The following GRAMD4 variants were observed in gnomAD, a reference collection of about 807,000 sequenced individuals.
GRAMD4 encodes GRAM domain containing 4.
A neutral mutation model predicts 83.9 loss-of-function variants in GRAMD4; 25 were observed. The observed-to-expected ratio is 0.30, with a 90% CI of 0.22 to 0.42. GRAMD4 has a LOEUF of 0.42. Ranked by LOEUF, GRAMD4 falls within the 10% of genes least tolerant of loss-of-function variation. The pLI, the probability that GRAMD4 is intolerant of heterozygous loss-of-function variation, is 1.00. For missense variants in GRAMD4, 593 were observed against 788.7 expected (o/e 0.75, Z 2.97); for synonymous variants, 336 against 320.9 (o/e 1.05, Z -0.50).
chr22:46,639,848 G>A (rs2081949900), intron 3 of GRAMD4, among the ~76,000 whole-genome samples: 1 of 152,212 alleles, frequency 6.6e-6, no homozygotes, highest in Admixed American at 6.5e-5. Context: ...CTCTCCATGA[G>A]CCTTAGGTTG....
intron 3 of GRAMD4, among the ~76,000 whole-genome samples, chr22:46,646,921 G>C (rs1317308890): frequency 6.6e-6 from 1 of 152,196 alleles, no homozygotes; most frequent in African/African-American, 2.4e-5. Flanking sequence ...GGCAAAGAGA[G>C]AGCTTGTGCA....
intron 2 of GRAMD4, among the ~76,000 whole-genome samples, chr22:46,631,322 TC>T (rs2081773503): frequency 6.6e-6 from 1 of 152,282 alleles, no homozygotes; most frequent in African/African-American, 2.4e-5. Context: ...ACACGCCAGC[TC>T]CCTGGTGGGA....
chr22:46,576,304 G>A (rs577504975), upstream of GRAMD4, among the ~76,000 whole-genome samples: 6 of 152,294 alleles, frequency 3.9e-5, no homozygotes, highest in African/African-American at 1.4e-4. Flanking sequence ...TAAACCTAGG[G>A]TTCTGCAGGG....
At chr22:46,616,822 G>C (rs1412689291), upstream of GRAMD4, among the ~76,000 whole-genome samples, 1 of 118,606 alleles carries the variant, frequency 8.4e-6, no homozygotes, top group Non-Finnish European at 1.8e-5. Flanking sequence ...AGGTTCCCCT[G>C]TGTGTACGTT....
intron 1 of GRAMD4, among the ~76,000 whole-genome samples, chr22:46,611,945 C>T (rs1569259231): frequency 8.0e-6 from 1 of 124,804 alleles, no homozygotes; most frequent in Non-Finnish European, 1.6e-5. Flanking sequence ...TGCAGTGAGC[C>T]GAGATTACAC....
chr22:46,638,328 T>A (rs933479818), intron 3 of GRAMD4, among the ~76,000 whole-genome samples: 1 of 152,210 alleles, frequency 6.6e-6, no homozygotes, highest in African/African-American at 2.4e-5. Context: ...GCATTCCCAG[T>A]GGGTGGCTCG....
upstream of GRAMD4, among the ~76,000 whole-genome samples, chr22:46,617,245 T>C (rs1225410676): frequency 6.8e-6 from 1 of 147,696 alleles, no homozygotes; most frequent in Non-Finnish European, 1.5e-5. Flanking sequence ...AGTTCCCCAG[T>C]GTGTAGGTTC....
intron 4 of GRAMD4, 69 bp from the exon 5 acceptor site, chr22:46,661,312 G>A: frequency 8.0e-7 from 1 of 1,249,078 alleles, no homozygotes; most frequent in South Asian, 1.2e-5. Context: ...AGAGCCCTCG[G>A]GGGTGCCTGA....
At chr22:46,595,429 C>T (rs1418110711) in intron 1 of GRAMD4, among the ~76,000 whole-genome samples, 1 of 152,262 alleles carries the variant, frequency 6.6e-6, no homozygotes, top group Non-Finnish European at 1.5e-5. Flanking sequence ...TCTCATCCTG[C>T]AGCCCATGGG....
downstream of GRAMD4, among the ~76,000 whole-genome samples, chr22:46,680,543 TGTCC>T (rs531762294): frequency 1.3e-4 from 9 of 70,562 alleles, no homozygotes; most frequent in South Asian, 8.9e-4. Flanking sequence ...CATCCACATC[TGTCC>T]GTCCGTCCGT....
intron 1 of GRAMD4, among the ~76,000 whole-genome samples, chr22:46,623,819 T>C: frequency 6.7e-6 from 1 of 148,500 alleles, no homozygotes; most frequent in African/African-American, 2.5e-5. Flanking sequence ...TCTTGCTCTG[T>C]TGCCCAGGCT....
rs187517641 is a variant in GRAMD4 at position 46,659,141 on chromosome 22, C to T, written c.404+834C>T. Among the ~76,000 whole-genome samples the T allele has an allele frequency of 1.4e-3, 218 of 152,250 alleles. No homozygotes were observed. Among genetic ancestry groups the T allele is most frequent in the African/African-American group, 4.7e-3 (194 of 41,542 alleles). On this transcript the variant is annotated intron_variant, in intron 4 of 18. Transcript: ENST00000406902. This position sits in a 1 kb window ranked among gnomAD's most constrained non-coding sequence, Gnocchi z 4.1. The stretch of plus-strand genomic sequence containing the variant: ...ACTCACCTCTGGCTCCCAGGCCTCC[C>T]GCTCAGCCTCCACTCCAGCAACCTC...
chr22:46,613,457 C>G (rs1207411506), intron 1 of GRAMD4, among the ~76,000 whole-genome samples: 1 of 152,256 alleles, frequency 6.6e-6, no homozygotes, highest in East Asian at 1.9e-4. Flanking sequence ...AGGATGCAAC[C>G]CCTAGCCCCG....
chr22:46,658,834 A>G (rs1157963470), intron 4 of GRAMD4, among the ~76,000 whole-genome samples: 5 of 132,880 alleles, frequency 3.8e-5, no homozygotes, highest in Non-Finnish European at 7.7e-5. Flanking sequence ...TAGCAGTATC[A>G]TGTCCTGGGC....
intron 1 of GRAMD4, among the ~76,000 whole-genome samples, chr22:46,596,669 G>T (rs1238253978): frequency 6.6e-6 from 1 of 152,178 alleles, no homozygotes; most frequent in African/African-American, 2.4e-5. Flanking sequence ...TCCTGCCTCA[G>T]CCTTCTGAGT....
chr22:46,640,932 A>C (rs1248771337), intron 3 of GRAMD4, among the ~76,000 whole-genome samples: 1 of 152,062 alleles, frequency 6.6e-6, no homozygotes, highest in Non-Finnish European at 1.5e-5. Context: ...AAAAGCCACG[A>C]GTCTAATATC....
At chr22:46,612,067 G>A (rs572436060) in intron 1 of GRAMD4, among the ~76,000 whole-genome samples, 4 of 150,784 alleles carry the variant, frequency 2.7e-5, no homozygotes, top group East Asian at 1.9e-4. Flanking sequence ...GCAGTGGTTC[G>A]ATCATAGCTC....
rs1296907198 is a variant in GRAMD4 at position 46,667,010 on chromosome 22, A to G, written c.858+137A>G. The G allele has an allele frequency of 5.8e-5, 33 of 565,794 alleles. No homozygotes were observed. In the Admixed American group the frequency reaches 1.2e-3, roughly 21 times the overall value. The allele number at this position is 565,794 out of a possible 1,614,324, so 35.0% of individuals were successfully genotyped here. On this transcript the variant is annotated intron_variant, in intron 10 of 18. Transcript: ENST00000406902. Reference sequence around the variant, plus strand: ...CCTGGAGTCCTGGCCTGGCCTGAAGAGGAGGGGAGGAGGAGGCCAGCCCCT... The same window carrying G: ...CCTGGAGTCCTGGCCTGGCCTGAAGGGGAGGGGAGGAGGAGGCCAGCCCCT...
chr22:46,588,626 G>A (rs1569246461), intron 1 of GRAMD4, among the ~76,000 whole-genome samples: 1 of 152,184 alleles, frequency 6.6e-6, no homozygotes, highest in Non-Finnish European at 1.5e-5. Context: ...GTTCCTGGCT[G>A]GGGGGCAGGG....
Sources: gnomAD v4.1 joint callset for allele counts (sites outside exome capture counted in the v4.1 genomes callset) on GRCh38, gnomAD v4.1.1 for gene constraint, Gnocchi (gnomAD v3.1) non-coding constraint, MANE v1.5 for transcripts, NCBI Gene and HGNC (gene_info 2026-07-23, HGNC 2026-07-21) for gene names.